The following NLRP9 variants were observed in gnomAD, a reference collection of about 807,000 sequenced individuals.
The protein encoded by NLRP9 is NLR family pyrin domain containing 9.
A neutral mutation model predicts 83.1 loss-of-function variants in NLRP9; 88 were observed. The ratio of observed to expected loss-of-function variants is 1.06; its 90% CI spans 0.89 to 1.26. The LOEUF (loss-of-function observed/expected upper bound fraction) is 1.26, where lower values mean the gene tolerates loss of function less well. Among genes scored for constraint, NLRP9 ranks in the 50% most tolerant of loss-of-function variants. The probability of loss-of-function intolerance (pLI) is 0.00; values close to 1 mark genes in which losing one functional copy is unlikely to be tolerated. For synonymous variants in NLRP9, 521 were observed against 447.6 expected, an observed-to-expected ratio of 1.16 and a Z score of -2.07; for missense variants, 1,308 against 1,179.3, an observed-to-expected ratio of 1.11 and a Z score of -1.60.
chr19:55,730,034 C>T (rs1288470790), intron 2 of NLRP9, 42 bp from the exon 3 acceptor site: 2 of 1,555,840 alleles, frequency 1.3e-6, no homozygotes, highest in East Asian at 2.2e-5. Context: ...TGGCTAAACT[C>T]AATTCAAGAC....
At chr19:55,729,284 G>T (rs10409449) in intron 3 of NLRP9, among the ~76,000 whole-genome samples, 11,976 of 149,090 alleles carry the variant, frequency 0.08, 1,521 homozygotes, top group African/African-American at 0.27. Flanking sequence ...TGTGTACAAC[G>T]TGCAGGTTTG....
rs1988668846 is a variant in NLRP9 at position 55,733,450 on chromosome 19, G to T, written c.381C>A (p.Thr127=). The change falls in exon 2 of 9, where the codon ACC becomes ACA. Residue 127 remains threonine (T), a synonymous_variant. Transcript: ENST00000332836. ...LHVPEHFYKE[T]MKNEYKELND... is the part of the protein sequence containing the mutation. ...TCAATTCTTTATACTCATTTTTCATGGTTTCTTTGTAGAAATGCTCAGGGA... is the reference window on the plus strand; with the variant it reads ...TCAATTCTTTATACTCATTTTTCATTGTTTCTTTGTAGAAATGCTCAGGGA... 3 of 1,613,614 alleles carry T rather than the reference G, an allele frequency of 1.9e-6. No homozygotes were observed. The highest frequency in any genetic ancestry group is 3.3e-5 in the Admixed American group (2 of 59,944).
At chr19:55,737,424 G>C (rs1988813209) in intron 1 of NLRP9, 1 of 152,228 alleles carries the variant, frequency 6.6e-6, no homozygotes, top group South Asian at 2.1e-4. Flanking sequence ...GTCTCCCCTG[G>C]GTCAAAGACG....
chr19:55,711,276 AAAAT>A (rs1197791868), intron 8 of NLRP9: 2 of 729,684 alleles, frequency 2.7e-6, no homozygotes, highest in African/African-American at 1.9e-5. Flanking sequence ...AAAAATTAAA[AAAAT>A]AAAATCAGAA....
chr19:55,724,186 C>T (rs1263293276), intron 3 of NLRP9, 42 bp from the exon 4 acceptor site: 3 of 1,425,864 alleles, frequency 2.1e-6, no homozygotes, highest in South Asian at 2.5e-5. Context: ...GCAATGAGAT[C>T]CCAGCACAAA....
chr19:55,736,466 C>T (rs1315160854), intron 1 of NLRP9, among the ~76,000 whole-genome samples: 1 of 152,132 alleles, frequency 6.6e-6, no homozygotes, highest in Admixed American at 6.5e-5. Context: ...GTGAGAAACT[C>T]TCAGTTCAGA....
At chr19:55,737,871 A>T (rs1330850728) in intron 1 of NLRP9, among the ~76,000 whole-genome samples, 1 of 152,072 alleles carries the variant, frequency 6.6e-6, no homozygotes, top group Non-Finnish European at 1.5e-5. Flanking sequence ...AAAAATGGGA[A>T]GACACTCCAT....
chr19:55,709,861 T>C (rs1012008807), intron 8 of NLRP9: 1 of 152,184 alleles, frequency 6.6e-6, no homozygotes, highest in Admixed American at 6.5e-5. Flanking sequence ...TCACAAATAA[T>C]TGGTAAGACT....
intron 6 of NLRP9, among the ~76,000 whole-genome samples, chr19:55,713,902 T>G (rs1415492133): frequency 1.1e-5 from 1 of 90,802 alleles, no homozygotes; most frequent in African/African-American, 4.6e-5. Flanking sequence ...TCTTCTCTGC[T>G]CATCTAGTGG....
intron 3 of NLRP9, among the ~76,000 whole-genome samples, chr19:55,725,575 A>G (rs1988374908): frequency 6.6e-6 from 1 of 152,170 alleles, no homozygotes; most frequent in Non-Finnish European, 1.5e-5. Context: ...CTGCGGGCGG[A>G]GTGATCCCCT....
intron 1 of NLRP9, among the ~76,000 whole-genome samples, chr19:55,735,689 A>G (rs1368895629): frequency 6.6e-6 from 1 of 151,446 alleles, no homozygotes; most frequent in African/African-American, 2.4e-5. Context: ...TATTTATTAA[A>G]AAATTTTTTT....
At chr19:55,727,489 T>C (rs1180269291) in intron 3 of NLRP9, among the ~76,000 whole-genome samples, 3 of 152,202 alleles carry the variant, frequency 2.0e-5, no homozygotes, top group Non-Finnish European at 4.4e-5. Flanking sequence ...CAATGACAAA[T>C]GTCTTCATTG....
At chr19:55,715,895 A>G (rs1343294466) in intron 5 of NLRP9, among the ~76,000 whole-genome samples, 1 of 152,190 alleles carries the variant, frequency 6.6e-6, no homozygotes, top group Non-Finnish European at 1.5e-5. Flanking sequence ...CATGTAGAAT[A>G]ATTTTTGTTT....
chr19:55,716,768 C>CA lies in NLRP9; in HGVS notation c.2289dup (p.Glu764Ter). On this transcript the variant is annotated frameshift_variant, in exon 5 of 9. Coordinates refer to ENST00000332836, the MANE Select transcript of NLRP9 (RefSeq NM_176820.4). LOFTEE classifies it high-confidence loss of function. ...GCACAGTGTGAGTGCTTCAGGGCTT[C>CA]ACACAGCAACGTCATTCCTTCGTCC... 3.7e-6 allele frequency: 6 copies of CA among 1,613,970 alleles called. No individual in the cohort carries two copies. Among genetic ancestry groups the CA allele is most frequent in the Non-Finnish European group, 5.1e-6 (6 of 1,179,964 alleles).
intron 4 of NLRP9, among the ~76,000 whole-genome samples, 164 bp downstream of exon 4, chr19:55,723,816 C>T (rs76353820): frequency 7.3e-5 from 11 of 151,712 alleles, no homozygotes; most frequent in Admixed American, 1.3e-4. Flanking sequence ...AGGCCTTGCC[C>T]GGCAGAATCT....
In NLRP9 at chr19:55,732,024, G is replaced by T; in HGVS notation, c.1807C>A (p.Pro603Thr). Reference sequence around the variant, plus strand: ...TCTGAGATGCATCCTGAGTCATCTGGAAAGATATTCTCCACACACATGCGA... The same window carrying T: ...TCTGAGATGCATCCTGAGTCATCTGTAAAGATATTCTCCACACACATGCGA... ...TLRMCVENIF[P>T]DDSGCISDYN... The change falls in exon 2 of 9, where the codon CCA becomes ACA. Residue 603 changes from proline to threonine, a missense_variant. Transcript: ENST00000332836. The T allele has an allele frequency of 6.3e-7, 1 of 1,577,766 alleles. No individual in the cohort carries two copies.
At chr19:55,734,385 A>C (rs985017830) in intron 1 of NLRP9, among the ~76,000 whole-genome samples, 1 of 148,340 alleles carries the variant, frequency 6.7e-6, no homozygotes, top group African/African-American at 2.5e-5. Flanking sequence ...AAAAAAAAAA[A>C]AAAAAAAAAT....
chr19:55,711,515 G>A lies in NLRP9; in HGVS notation c.2843+285C>T, dbSNP rs764831007. 92 of 1,335,100 alleles carry A rather than the reference G, an allele frequency of 6.9e-5. 1 individual carries two copies. In the South Asian group the frequency reaches 1.1e-3, roughly 16 times the overall value. 82.7% of individuals were successfully genotyped at this position (1,335,100 alleles called of 1,614,324 possible). ...TATAGAGCAGTGGTTCTCACCTGGT[G>A]CAACTGTGTCTCCGAGGGACTTCTG... is the stretch of plus-strand genomic sequence containing the variant. On this transcript the variant is annotated intron_variant, in intron 8 of 8. Transcript: ENST00000332836.
At chr19:55,710,175 A>C (rs1362885024) in intron 8 of NLRP9, among the ~76,000 whole-genome samples, 3 of 152,122 alleles carry the variant, frequency 2.0e-5, no homozygotes, top group Non-Finnish European at 4.4e-5. Context: ...TGGAGATGAC[A>C]TGTTTTGGGT....
Sources: gnomAD v4.1 joint callset for allele counts (sites outside exome capture counted in the v4.1 genomes callset) on GRCh38, gnomAD v4.1.1 for gene constraint, MANE v1.5 for transcripts, NCBI Gene and HGNC (gene_info 2026-07-23, HGNC 2026-07-21) for gene names.